Variants in ITGA6 observed in about 807,000 individuals in gnomAD.
ITGA6 encodes the protein integrin subunit alpha 6.
ITGA6 carries 63 observed loss-of-function variants against 133.6 expected under a neutral mutation model. The observed-to-expected ratio is 0.47, with a 90% CI of 0.38 to 0.58. The LOEUF (loss-of-function observed/expected upper bound fraction) is 0.58. Among genes scored for constraint, ITGA6 ranks in the 20% least tolerant of loss-of-function variants. The pLI is 0.00. For synonymous variants in ITGA6, 434 were observed against 482.0 expected (o/e 0.90, Z 1.30); for missense variants, 1,068 against 1,309.4 (o/e 0.82, Z 2.85).
At chr2:172,471,203 G>C in intron 5 of ITGA6, 98 bp downstream of exon 5, 1 of 1,458,588 alleles carries the variant, frequency 6.9e-7, no homozygotes, top group Non-Finnish European at 9.6e-7. Flanking sequence ...TCTAGGCTGA[G>C]AAGAGGCCAG....
chr2:172,469,527 T>G, intron 4 of ITGA6, 147 bp downstream of exon 4: 1 of 735,710 alleles, frequency 1.4e-6, no homozygotes, highest in Non-Finnish European at 2.2e-6. Flanking sequence ...ATGATATGAT[T>G]TTTAAAAGCT....
At chr2:172,496,627 A>G (rs1157522638) in intron 23 of ITGA6, among the ~76,000 whole-genome samples, 1 of 151,146 alleles carries the variant, frequency 6.6e-6, no homozygotes, top group East Asian at 1.9e-4. Flanking sequence ...CTCAGAAGTT[A>G]AATGCTCCCC....
At chr2:172,450,742 G>A (rs947088928) in intron 1 of ITGA6, among the ~76,000 whole-genome samples, 3 of 150,508 alleles carry the variant, frequency 2.0e-5, no homozygotes, top group Non-Finnish European at 3.0e-5. Context: ...ATCACTTGAA[G>A]CCAGGAGTTT....
At chr2:172,448,781 C>T (rs1286727822) in intron 1 of ITGA6, among the ~76,000 whole-genome samples, 3 of 152,130 alleles carry the variant, frequency 2.0e-5, no homozygotes, top group African/African-American at 7.2e-5. Context: ...ACTGGATTAT[C>T]CAGTAAGTAT....
intron 23 of ITGA6, among the ~76,000 whole-genome samples, chr2:172,493,157 C>T (rs1398115971): frequency 6.6e-6 from 1 of 152,148 alleles, no homozygotes; most frequent in East Asian, 1.9e-4. Flanking sequence ...ATCCGCCTGC[C>T]TCAGCCTCCC....
At chr2:172,484,109 C>G (rs1686562475) in intron 11 of ITGA6, among the ~76,000 whole-genome samples, 1 of 152,172 alleles carries the variant, frequency 6.6e-6, no homozygotes, top group Non-Finnish European at 1.5e-5. Context: ...CTGTGCCCAT[C>G]CTCTTTTTTA....
At position 172,484,768 on chromosome 2, in the gene ITGA6, T is replaced by C. The variant is rs1686592216; in HGVS notation, c.1550-14T>C. On this transcript the variant is annotated splice_polypyrimidine_tract_variant and intron_variant, in intron 11 of 25. Coordinates refer to ENST00000684293, the MANE Select transcript of ITGA6 (RefSeq NM_000210.4). ...TGAATGCACTTACGTTAATATGATTTTAATTTTATCTAGCAATTGTGGGCA... is the reference window on the plus strand; with the variant it reads ...TGAATGCACTTACGTTAATATGATTCTAATTTTATCTAGCAATTGTGGGCA... 17 of 1,612,130 alleles carry C rather than the reference T, an allele frequency of 1.1e-5. No homozygotes were observed. The highest frequency in any genetic ancestry group is 1.4e-5 in the Non-Finnish European group (17 of 1,178,356).
At chr2:172,438,421 T>C (rs1164192774) in intron 1 of ITGA6, among the ~76,000 whole-genome samples, 1 of 151,722 alleles carries the variant, frequency 6.6e-6, no homozygotes, top group East Asian at 1.9e-4. Context: ...AATTTCTCAG[T>C]GAATAATAAT....
chr2:172,461,894 G>C, intron 1 of ITGA6, among the ~76,000 whole-genome samples: 1 of 152,194 alleles, frequency 6.6e-6, no homozygotes, highest in Non-Finnish European at 1.5e-5. Flanking sequence ...ACCTAGATTA[G>C]GAAGTAGATA....
chr2:172,480,220 C>T (rs1454580629), intron 11 of ITGA6, among the ~76,000 whole-genome samples, 169 bp downstream of exon 11: 1 of 152,070 alleles, frequency 6.6e-6, no homozygotes, highest in Non-Finnish European at 1.5e-5. Context: ...GGCACAGCAC[C>T]GTGAGGGAGG....
At chr2:172,430,119 T>G (rs953525046) in intron 1 of ITGA6, among the ~76,000 whole-genome samples, 2 of 152,238 alleles carry the variant, frequency 1.3e-5, no homozygotes, top group Non-Finnish European at 2.9e-5. Flanking sequence ...CAGCTGTTAA[T>G]TTACTTTGAG....
In ITGA6 at chr2:172,487,184, G is replaced by A. The variant is rs1686720488; in HGVS notation, c.1970+46G>A. ...CTAGCAAAAATGATTCTGGCTTCAT[G>A]GTGGCTTTGTGTTAAGAAAGTTTAC... On this transcript the variant is annotated intron_variant, in intron 14 of 25. Coordinates refer to ENST00000684293, the MANE Select transcript of ITGA6 (RefSeq NM_000210.4). The A allele has an allele frequency of 2.0e-6, 3 of 1,513,994 alleles. No individual in the cohort carries two copies. The East Asian group carries it at 6.8e-5, about 34-fold the overall frequency. 93.8% of individuals were successfully genotyped at this position (1,513,994 alleles called of 1,614,324 possible).
At chr2:172,436,447 G>A (rs80002558) in intron 1 of ITGA6, among the ~76,000 whole-genome samples, 23,105 of 152,172 alleles carry the variant, frequency 0.15, 2,380 homozygotes, top group East Asian at 0.51. Flanking sequence ...GTGGAGAGGC[G>A]TTGTGAGGAT....
Position 172,484,959 on chromosome 2 carries a change from G to T in ITGA6, c.1710+17G>T, listed in dbSNP as rs1686600411. On this transcript the variant is annotated intron_variant, in intron 12 of 25. Coordinates refer to ENST00000684293, the MANE Select transcript of ITGA6 (RefSeq NM_000210.4). ...TGGCTACAGGTGAGGGCTGCAGATG[G>T]TCACATCTGTTTTATGAAGAGGACA... 6.2e-7 allele frequency: 1 copy of T among 1,612,274 alleles called. No individual in the cohort carries two copies. The highest frequency in any genetic ancestry group is 1.3e-5 in the African/African-American group (1 of 74,884).
chr2:172,480,028 C>T lies in ITGA6; in HGVS notation c.1526C>T (p.Pro509Leu). The T allele has an allele frequency of 6.3e-7, 1 of 1,586,384 alleles. No individual in the cohort carries two copies. The highest frequency in any genetic ancestry group is 8.7e-7 in the Non-Finnish European group (1 of 1,154,838). Residue 509 changes from proline to leucine, a missense_variant, in exon 11 of 26, where the codon CCC (proline) becomes CTC (leucine). By Grantham distance (98) the Pro-to-Leu change is moderately conservative (BLOSUM62 -3). This residue lies in a region of ITGA6 where 609 missense variants were observed against 707.2 expected (regional missense o/e 0.86). Transcript: ENST00000684293. ...VKSCFEYTAN[P>L]AGYNPSISIV... is the part of the protein sequence containing the mutation. ...TCCTGTTTTGAATATACTGCTAACC[C>T]CGCTGGTTATAATCCTTCAATATGT...
Position 172,427,762 on chromosome 2 carries a change from C to G in ITGA6, c.-27C>G. ...GAGCGCAGGGCGGCCGCTGCAGGTC[C>G]CCGCTCCCCTCCCCGTGCGTCCGCC... On this transcript the variant is annotated 5_prime_UTR_variant, in exon 1 of 26. Coordinates refer to ENST00000684293, the MANE Select transcript of ITGA6 (RefSeq NM_000210.4). 1 of 1,557,086 alleles carries G rather than the reference C, an allele frequency of 6.4e-7. No homozygotes were observed. Among genetic ancestry groups the G allele is most frequent in the African/African-American group, 1.4e-5 (1 of 71,694 alleles).
chr2:172,488,694 T>G (rs1686794119), intron 19 of ITGA6, among the ~76,000 whole-genome samples: 1 of 152,186 alleles, frequency 6.6e-6, no homozygotes, highest in African/African-American at 2.4e-5. Flanking sequence ...TGTTCGTAAC[T>G]CACACATGGG....
intron 9 of ITGA6, among the ~76,000 whole-genome samples, chr2:172,477,053 C>T (rs1003891855): frequency 6.6e-6 from 1 of 152,152 alleles, no homozygotes. Flanking sequence ...AGGTTCAGAG[C>T]TTATTTAACC....
intron 13 of ITGA6, 31 bp downstream of exon 13, chr2:172,485,295 GT>G (rs780882442): frequency 3.1e-6 from 5 of 1,606,498 alleles, no homozygotes; most frequent in East Asian, 2.2e-5. Context: ...TTTTGCCAAA[GT>G]TTTTTTGCCA....
Sources: gnomAD v4.1 joint callset for allele counts (sites outside exome capture counted in the v4.1 genomes callset) on GRCh38, gnomAD v4.1.1 for gene constraint, gnomAD v4.1.1 regional missense constraint, MANE v1.5 for transcripts, NCBI Gene and HGNC (gene_info 2026-07-23, HGNC 2026-07-21) for gene names.